MDGA2: variants seen among roughly 807,000 people sequenced by gnomAD.
MDGA2 encodes the protein MAM domain containing glycosylphosphatidylinositol anchor 2.
Under a neutral mutation model 117.8 loss-of-function variants are expected in MDGA2, and 40 were observed. That is an observed-to-expected ratio of 0.34 (90% CI 0.26 to 0.44). The LOEUF is 0.44. MDGA2 is among the 20% of genes least tolerant of loss of function. The pLI, the probability that MDGA2 is intolerant of heterozygous loss-of-function variation, is 1.00. For synonymous variants in MDGA2, 452 were observed against 439.0 expected (o/e 1.03, Z -0.37); for missense variants, 1,123 against 1,250.6 (o/e 0.90, Z 1.54).
At chr14:47,348,671 T>G (rs1039484578) in intron 1 of MDGA2, among the ~76,000 whole-genome samples, 2 of 152,080 alleles carry the variant, frequency 1.3e-5, no homozygotes, top group South Asian at 2.1e-4. Context: ...CCTCCTTAAC[T>G]GTAGCAGAAA....
At chr14:47,409,828 TC>T (rs535060068) in intron 1 of MDGA2, among the ~76,000 whole-genome samples, 1 of 152,026 alleles carries the variant, frequency 6.6e-6, no homozygotes, top group Non-Finnish European at 1.5e-5. Context: ...TTAATTTACG[TC>T]CCCCGCTTTG....
chr14:47,386,759 T>C (rs976871599), intron 1 of MDGA2, among the ~76,000 whole-genome samples: 2 of 152,168 alleles, frequency 1.3e-5, no homozygotes, highest in Non-Finnish European at 2.9e-5. Context: ...TCAGGGACTA[T>C]ATATGGGCTG....
chr14:47,201,042 G>T (rs1439898663), intron 3 of MDGA2: 3 of 1,127,394 alleles, frequency 2.7e-6, no homozygotes, highest in Non-Finnish European at 4.1e-6. Flanking sequence ...TAGCCACAAT[G>T]GCCGCCAGGC....
intron 3 of MDGA2, among the ~76,000 whole-genome samples, chr14:47,168,304 A>AAC (rs946129013): frequency 4.6e-5 from 7 of 151,536 alleles, no homozygotes; most frequent in Non-Finnish European, 8.8e-5. Context: ...AAAAAAAAAA[A>AAC]ACCTTAACAT....
intron 8 of MDGA2, chr14:46,996,413 A>T (rs888462260): frequency 9.9e-5 from 15 of 152,122 alleles, no homozygotes; most frequent in African/African-American, 3.4e-4. Flanking sequence ...GTGCATTGGA[A>T]ATCCATGGCT....
At chr14:46,991,929 C>G (rs1156580105) in intron 8 of MDGA2, among the ~76,000 whole-genome samples, 1 of 151,972 alleles carries the variant, frequency 6.6e-6, no homozygotes, top group South Asian at 2.1e-4. Context: ...GGTTGAAATA[C>G]AAAAAGAGAC....
intron 1 of MDGA2, among the ~76,000 whole-genome samples, chr14:47,427,062 A>G (rs1258690928): frequency 6.6e-6 from 1 of 152,132 alleles, no homozygotes; most frequent in African/African-American, 2.4e-5. Flanking sequence ...ACTAGTTACT[A>G]GATTGTTTCT....
chr14:47,069,154 T>A (rs1890188456), intron 6 of MDGA2, among the ~76,000 whole-genome samples: 1 of 152,206 alleles, frequency 6.6e-6, no homozygotes, highest in Admixed American at 6.5e-5. Context: ...TTGCACTCAC[T>A]CACTAGGATA....
intron 1 of MDGA2, among the ~76,000 whole-genome samples, chr14:47,442,026 T>C (rs942882306): frequency 9.1e-5 from 12 of 131,444 alleles, no homozygotes; most frequent in African/African-American, 3.3e-4. Context: ...CACTGCAGTC[T>C]AGTGAAGAAA....
intron 5 of MDGA2, among the ~76,000 whole-genome samples, chr14:47,128,471 A>C (rs1882016891): frequency 1.3e-5 from 2 of 152,106 alleles, no homozygotes; most frequent in South Asian, 4.1e-4. Context: ...TATATATTTC[A>C]AAAAAATTAA....
chr14:47,131,911 A>T, intron 4 of MDGA2, 65 bp from the exon 5 acceptor site: 1 of 1,253,150 alleles, frequency 8.0e-7, no homozygotes, highest in Non-Finnish European at 1.1e-6. Context: ...TGAATGAAAC[A>T]TCACATCACA....
chr14:47,497,759 A>G (rs565962422), intron 1 of MDGA2, among the ~76,000 whole-genome samples: 35 of 152,308 alleles, frequency 2.3e-4, no homozygotes, highest in African/African-American at 8.4e-4. Context: ...TAAACATATT[A>G]GTGTGTAATT....
intron 1 of MDGA2, among the ~76,000 whole-genome samples, chr14:47,320,399 T>C (rs1889945362): frequency 6.6e-6 from 1 of 152,088 alleles, no homozygotes; most frequent in South Asian, 2.1e-4. Context: ...ACAAAAACTC[T>C]GTGAGAAAGA....
intron 2 of MDGA2, among the ~76,000 whole-genome samples, chr14:47,224,796 G>A (rs922632691): frequency 5.9e-5 from 9 of 152,136 alleles, no homozygotes; most frequent in East Asian, 3.8e-4. Context: ...TCAATGGTAC[G>A]TAATTATTAA....
At chr14:46,939,497 C>A (rs1040883112) in intron 9 of MDGA2, among the ~76,000 whole-genome samples, 11 of 152,120 alleles carry the variant, frequency 7.2e-5, no homozygotes, top group African/African-American at 1.2e-4. Flanking sequence ...TACCACAGAA[C>A]ACTGTTCATA....
At chr14:47,555,601 T>C (rs1895667791) in intron 1 of MDGA2, among the ~76,000 whole-genome samples, 1 of 152,142 alleles carries the variant, frequency 6.6e-6, no homozygotes, top group Non-Finnish European at 1.5e-5. Flanking sequence ...ATCATATTTT[T>C]AAGAGTTAAA....
At position 47,615,232 on chromosome 14, in the gene MDGA2, T is replaced by C. The variant is rs139846083; in HGVS notation, c.280+59285A>G. On this transcript the variant is annotated intron_variant, in intron 1 of 16. Transcript: ENST00000399232. ...CAGATGTTGAATTAATAAAAAAAGA[T>C]TCAGAAAATTTAAAAATAACATTTT... is the stretch of plus-strand genomic sequence containing the variant. 3.1e-3 allele frequency among the ~76,000 whole-genome samples: 472 copies of C among 152,284 alleles called. 10 individuals are homozygous for C. In the East Asian group the frequency reaches 0.069, roughly 22 times the overall value.
chr14:47,092,092 G>A (rs866395750), intron 6 of MDGA2, among the ~76,000 whole-genome samples: 1 of 152,082 alleles, frequency 6.6e-6, no homozygotes, highest in African/African-American at 2.4e-5. Context: ...CTAAAAGAGG[G>A]GCTACAGTGG....
At chr14:46,870,392 C>A (rs114606445) in intron 14 of MDGA2, among the ~76,000 whole-genome samples, 4 of 151,946 alleles carry the variant, frequency 2.6e-5, no homozygotes, top group Non-Finnish European at 5.9e-5. Flanking sequence ...ACTGAAAATA[C>A]AATTTGTAAA....
Sources: allele counts gnomAD v4.1 joint callset (sites outside exome capture counted in the v4.1 genomes callset), GRCh38; gene constraint gnomAD v4.1.1; transcripts MANE v1.5; gene names NCBI Gene and HGNC (gene_info 2026-07-23, HGNC 2026-07-21).